Variants in TJP2 observed in about 807,000 individuals in gnomAD.
TJP2 encodes tight junction protein 2, also known as Friedreich ataxia region gene X104 (tight junction protein ZO-2).
In TJP2, 91 loss-of-function variants were observed where a neutral mutation model predicts 133.1. That is an observed-to-expected ratio of 0.68 (90% CI 0.58 to 0.81). The LOEUF is 0.81. Ranked by LOEUF, TJP2 falls within the 40% of genes least tolerant of loss-of-function variation. TJP2 has a pLI of 0.00. For synonymous variants in TJP2, 592 were observed against 583.4 expected, an observed-to-expected ratio of 1.01 and a Z score of -0.21; for missense variants, 1,541 against 1,565.6, an observed-to-expected ratio of 0.98 and a Z score of 0.26.
rs995038962 is a variant in TJP2 at position 69,240,061 on chromosome 9, G to A, written c.2480G>A (p.Arg827Lys). The A allele has an allele frequency of 1.4e-5, 22 of 1,613,860 alleles. No individual in the cohort carries two copies. In the Admixed American group the frequency reaches 2.2e-4, roughly 16 times the overall value. Residue 827 changes from arginine (R) to lysine (K), a missense_variant, in exon 17 of 23, where the codon AGG (arginine) becomes AAG (lysine). Transcript: ENST00000377245. ...SRQGVKTMRQ[R>K]LNPTSNKSSR... ...CAAGGTGTCAAAACCATGAGACAAA[G>A]GTTAAATCCAACGTCCAACAAAAGT... is the stretch of plus-strand genomic sequence containing the variant.
intron 6 of TJP2, 21 bp from the exon 7 acceptor site, chr9:69,226,001 T>C: frequency 6.2e-7 from 1 of 1,613,562 alleles, no homozygotes; most frequent in Non-Finnish European, 8.5e-7. Flanking sequence ...CATTTAACAT[T>C]ACCATTTTTT....
chr9:69,194,110 A>G (rs984704208), intron 1 of TJP2, among the ~76,000 whole-genome samples: 3 of 152,168 alleles, frequency 2.0e-5, no homozygotes, highest in Admixed American at 6.5e-5. Flanking sequence ...CAAAGTATCA[A>G]TTTACTAAGT....
chr9:69,250,944 T>C, intron 20 of TJP2, 91 bp from the exon 21 acceptor site: 3 of 1,304,978 alleles, frequency 2.3e-6, no homozygotes, highest in Non-Finnish European at 3.3e-6. Context: ...CTTTGGAAAC[T>C]GATCAGGAAA....
Position 69,140,644 on chromosome 9 carries a change from G to A in TJP2, c.-130-11007G>A, listed in dbSNP as rs77407496. 6.2e-3 allele frequency among the ~76,000 whole-genome samples: 940 copies of A among 152,186 alleles called. 9 individuals carry two copies. The highest frequency in any genetic ancestry group is 0.021 in the African/African-American group (892 of 41,524). The stretch of plus-strand genomic sequence containing the variant: ...GTGACTGATATTCCCCTCACCCAAT[G>A]AATGGCCAGGCCACACTTGTCTTAA... On this transcript the variant is annotated intron_variant, in intron 1 of 5. Transcript: ENST00000423935.
chr9:69,183,642 C>G (rs775580691), intron 1 of TJP2, among the ~76,000 whole-genome samples: 8 of 152,194 alleles, frequency 5.3e-5, no homozygotes, highest in Non-Finnish European at 7.3e-5. Context: ...CCATGAAAAG[C>G]ACCTACACAT....
chr9:69,129,820 C>T (rs1429262758), intron 1 of TJP2, among the ~76,000 whole-genome samples: 1 of 151,686 alleles, frequency 6.6e-6, no homozygotes, highest in African/African-American at 2.4e-5. Context: ...AGTTCGAGAC[C>T]AGCCTGGCCA....
At chr9:69,122,385 T>C (rs1822185090) in intron 1 of TJP2, among the ~76,000 whole-genome samples, 1 of 152,198 alleles carries the variant, frequency 6.6e-6, no homozygotes, top group Admixed American at 6.5e-5. Flanking sequence ...AGCTTGACCG[T>C]ACAGCCCTGG....
chr9:69,213,041 A>G (rs1588071540), intron 2 of TJP2, among the ~76,000 whole-genome samples: 1 of 52,612 alleles, frequency 1.9e-5, no homozygotes, highest in Non-Finnish European at 5.1e-5. Context: ...GGAGAACTGC[A>G]CTCGTGGTTC....
chr9:69,167,143 C>G (rs183930759), intron 2 of TJP2, among the ~76,000 whole-genome samples: 10 of 151,526 alleles, frequency 6.6e-5, no homozygotes, highest in Non-Finnish European at 1.3e-4. Flanking sequence ...GAGGCTGAGG[C>G]AGGATAATTG....
intron 2 of TJP2, among the ~76,000 whole-genome samples, chr9:69,162,061 T>TAACA (rs1228800256): frequency 6.7e-6 from 1 of 148,528 alleles, no homozygotes; most frequent in Admixed American, 6.7e-5. Context: ...AATAAATAAA[T>TAACA]AACAGCATAT....
chr9:69,199,104 C>T lies in TJP2; in HGVS notation c.61-13444C>T, dbSNP rs1826803580. ...ATAGTTAAAACCAATTTCCTGGGGGCAGGTGGGGAACTATAAAAGTCCTCT... is the reference window on the plus strand; with the variant it reads ...ATAGTTAAAACCAATTTCCTGGGGGTAGGTGGGGAACTATAAAAGTCCTCT... On this transcript the variant is annotated intron_variant, in intron 1 of 22. Coordinates refer to ENST00000377245, the MANE Select transcript of TJP2 (RefSeq NM_004817.4). Among the ~76,000 whole-genome samples the T allele has an allele frequency of 2.6e-5, 4 of 152,258 alleles. No homozygotes were observed. In the South Asian group the frequency reaches 8.3e-4, roughly 32 times the overall value.
At chr9:69,233,555 C>T (rs1829946672) in intron 11 of TJP2, among the ~76,000 whole-genome samples, 1 of 152,158 alleles carries the variant, frequency 6.6e-6, no homozygotes. Context: ...GGCGGATCAC[C>T]TGAGGTCAAG....
At chr9:69,216,870 G>A (rs1052567399) in intron 3 of TJP2, among the ~76,000 whole-genome samples, 2 of 152,172 alleles carry the variant, frequency 1.3e-5, no homozygotes, top group African/African-American at 4.8e-5. Context: ...TTATTTGTAA[G>A]AGTGATGTGG....
At chr9:69,130,024 AAAAAAAAAGAAAAAG>A (rs952543314) in intron 1 of TJP2, among the ~76,000 whole-genome samples, 13 of 151,626 alleles carry the variant, frequency 8.6e-5, no homozygotes, top group Middle Eastern at 3.4e-3. Flanking sequence ...TCAAAAAAAA[AAAAAAAAAGAAAAAG>A]AAAAAAAAGA....
chr9:69,144,678 C>T (rs1163436579), intron 1 of TJP2, among the ~76,000 whole-genome samples: 2 of 152,176 alleles, frequency 1.3e-5, no homozygotes, highest in Non-Finnish European at 2.9e-5. Context: ...TCCAGAAGCT[C>T]GAGTGATGTC....
At chr9:69,238,070 C>G (rs552721892) in intron 15 of TJP2, 97 bp downstream of exon 15, 170 of 812,428 alleles carry the variant, frequency 2.1e-4, no homozygotes, top group Middle Eastern at 1.0e-3. Context: ...GTACCCTTCA[C>G]CTGGAATCAC....
Position 69,230,018 on chromosome 9 carries a change from AATGTTG to A in TJP2, c.1521-63_1521-58del. ...GAAGAAATTAAATCTCTCATTTGCTAATGTTGTTCTCCCTTTTAAAAAATATCTCCC... is the reference window on the plus strand; with the variant it reads ...GAAGAAATTAAATCTCTCATTTGCTATTCTCCCTTTTAAAAAATATCTCCC... On this transcript the variant is annotated intron_variant, in intron 10 of 22. Transcript: ENST00000377245. 2.5e-6 allele frequency: 4 copies of A among 1,585,032 alleles called. No individual in the cohort carries two copies. In the South Asian group the frequency reaches 4.4e-5, roughly 18 times the overall value.
chr9:69,193,719 GT>G (rs1588020714), intron 1 of TJP2, among the ~76,000 whole-genome samples: 1 of 146,510 alleles, frequency 6.8e-6, no homozygotes, highest in East Asian at 2.0e-4. Flanking sequence ...CATCTGCTGT[GT>G]TTTATTAAGT....
At position 69,123,778 on chromosome 9, in the gene TJP2, G is replaced by A. The variant is rs1286289349; in HGVS notation, c.-131+2053G>A. Among the ~76,000 whole-genome samples, 3 of 77,894 alleles carry A rather than the reference G, an allele frequency of 3.9e-5. 1 individual carries two copies. The highest frequency in any genetic ancestry group is 7.8e-5 in the African/African-American group (2 of 25,682). The allele number at this position is 77,894 out of a possible 152,430, so 51.1% of individuals were successfully genotyped here. A position where few individuals can be genotyped will look rare whatever the true frequency, so the allele number is the denominator to read the frequency against. The stretch of plus-strand genomic sequence containing the variant: ...ACTAGGCATAGATGCTTGATGATCT[G>A]TAACTCTGTGATTCTTTTAACTGGC... On this transcript the variant is annotated intron_variant, in intron 1 of 5. Coordinates refer to the TJP2 transcript ENST00000423935.
Sources: gnomAD v4.1 joint callset for allele counts (sites outside exome capture counted in the v4.1 genomes callset) on GRCh38, gnomAD v4.1.1 for gene constraint, MANE v1.5 for transcripts, NCBI Gene and HGNC (gene_info 2026-07-23, HGNC 2026-07-21) for gene names.